Variants in TFEC observed in about 807,000 individuals in gnomAD.
TFEC encodes the protein class E basic helix-loop-helix protein 34.
TFEC carries 31 observed loss-of-function variants against 41.6 expected under a neutral mutation model. The observed-to-expected ratio is 0.74, with a 90% CI of 0.56 to 1.01. TFEC has a LOEUF of 1.01. Ranked by LOEUF, TFEC falls within the 50% of genes least tolerant of loss-of-function variation. The pLI is 0.00. For synonymous variants in TFEC, 143 were observed against 140.6 expected, an observed-to-expected ratio of 1.02 and a Z score of -0.12; for missense variants, 402 against 404.1, an observed-to-expected ratio of 0.99 and a Z score of 0.04.
At chr7:116,020,516 A>C (rs1011433402) in intron 1 of TFEC, among the ~76,000 whole-genome samples, 2 of 152,198 alleles carry the variant, frequency 1.3e-5, no homozygotes, top group Non-Finnish European at 2.9e-5. Flanking sequence ...GATTCGATTT[A>C]GTTCTCTCTT....
intron 1 of TFEC, among the ~76,000 whole-genome samples, chr7:116,137,466 T>C (rs969205253): frequency 9.2e-5 from 14 of 152,168 alleles, no homozygotes; most frequent in African/African-American, 2.9e-4. Context: ...GATGTGAGTA[T>C]AGGCCTTGAC....
At chr7:116,037,201 T>G (rs1289380927) in intron 3 of TFEC, among the ~76,000 whole-genome samples, 1 of 152,060 alleles carries the variant, frequency 6.6e-6, no homozygotes, top group Non-Finnish European at 1.5e-5. Context: ...ATTGATTTTG[T>G]GCACGGGATG....
intron 1 of TFEC, among the ~76,000 whole-genome samples, chr7:115,987,893 T>C (rs753426782): frequency 6.6e-6 from 1 of 152,102 alleles, no homozygotes; most frequent in South Asian, 2.1e-4. Flanking sequence ...TATCAAAGTA[T>C]TTGCTAGGAG....
chr7:116,049,824 C>T lies in TFEC; in HGVS notation c.198+60884G>A, dbSNP rs575739417. Among the ~76,000 whole-genome samples, 4 of 152,276 alleles carry T rather than the reference C, an allele frequency of 2.6e-5. No individual in the cohort carries two copies. In the East Asian group the frequency reaches 5.8e-4, roughly 22 times the overall value. ...CAAACTAGAACTCAGGATTAAGAAA[C>T]TCACTCAAAACCACACAACTACATG... On this transcript the variant is annotated intron_variant, in intron 3 of 8. Transcript: ENST00000484212.
At chr7:116,087,384 A>G (rs536664091) in intron 3 of TFEC, among the ~76,000 whole-genome samples, 1 of 152,148 alleles carries the variant, frequency 6.6e-6, no homozygotes, top group East Asian at 1.9e-4. Context: ...TTATTAAAAT[A>G]GAATGTCTAG....
intron 3 of TFEC, among the ~76,000 whole-genome samples, chr7:116,050,903 A>T (rs1328375456): frequency 3.9e-5 from 6 of 152,278 alleles, no homozygotes; most frequent in South Asian, 2.1e-4. Flanking sequence ...AACCCAAATG[A>T]CCACCAATGA....
In TFEC at chr7:116,038,599, C is replaced by T. The variant is rs193158420; in HGVS notation, c.199-54086G>A. On this transcript the variant is annotated intron_variant, in intron 3 of 8. Transcript: ENST00000484212. ...GAGGCTACCATCTCATGTTAGCATG[C>T]TATATTCAAACTAGAGAGCATAAAA... Among the ~76,000 whole-genome samples the T allele has an allele frequency of 2.8e-4, 43 of 152,072 alleles. 1 individual carries two copies. In the South Asian group the frequency reaches 7.7e-3, roughly 27 times the overall value.
chr7:116,044,235 A>G (rs1411795086), intron 3 of TFEC, among the ~76,000 whole-genome samples: 1 of 152,166 alleles, frequency 6.6e-6, no homozygotes, highest in Non-Finnish European at 1.5e-5. Context: ...TCTCCTATGC[A>G]TATCCTTCGT....
chr7:116,095,669 T>C (rs911587560), intron 3 of TFEC, among the ~76,000 whole-genome samples: 1 of 152,204 alleles, frequency 6.6e-6, no homozygotes, highest in Non-Finnish European at 1.5e-5. Flanking sequence ...TTCCCAAATC[T>C]TTTTGAAACT....
intron 3 of TFEC, among the ~76,000 whole-genome samples, chr7:116,043,279 A>G (rs1204941181): frequency 6.6e-6 from 1 of 152,150 alleles, no homozygotes; most frequent in African/African-American, 2.4e-5. Context: ...TTTTCTGAGT[A>G]AGAGAACATT....
At chr7:116,151,941 C>T (rs546222936) in intron 1 of TFEC, among the ~76,000 whole-genome samples, 1 of 152,096 alleles carries the variant, frequency 6.6e-6, no homozygotes, top group African/African-American at 2.4e-5. Context: ...CTTCCCAATA[C>T]AGGAAGTAGA....
intron 3 of TFEC, among the ~76,000 whole-genome samples, chr7:116,053,633 G>C (rs1391916988): frequency 6.6e-6 from 1 of 152,166 alleles, no homozygotes; most frequent in East Asian, 1.9e-4. Context: ...GTTATCATGG[G>C]AACAGGCAGC....
intron 1 of TFEC, among the ~76,000 whole-genome samples, chr7:116,153,717 T>A (rs1029620738): frequency 6.6e-6 from 1 of 151,766 alleles, no homozygotes; most frequent in Non-Finnish European, 1.5e-5. Context: ...ATAAAATGTA[T>A]AATGAAGTAA....
At chr7:116,117,478 TTACCA>T (rs1798016182) in intron 1 of TFEC, 1 of 151,790 alleles carries the variant, frequency 6.6e-6, no homozygotes, top group Admixed American at 6.6e-5. Flanking sequence ...TAATGAGCTC[TTACCA>T]TGTGATGGTA....
At chr7:116,005,692 G>A (rs1562928480) in intron 1 of TFEC, among the ~76,000 whole-genome samples, 1 of 152,192 alleles carries the variant, frequency 6.6e-6, no homozygotes, top group Non-Finnish European at 1.5e-5. Flanking sequence ...ATTCAAGTGG[G>A]CTGTAGAAAT....
At chr7:115,956,656 TA>T (rs776730534) in intron 4 of TFEC, 22 bp downstream of exon 4, 7 of 1,547,806 alleles carry the variant, frequency 4.5e-6, no homozygotes, top group Non-Finnish European at 6.2e-6. Flanking sequence ...ATAAAAAGGG[TA>T]AAACTATAAA....
chr7:116,092,437 C>T (rs977029905), intron 3 of TFEC, among the ~76,000 whole-genome samples: 2 of 151,996 alleles, frequency 1.3e-5, no homozygotes, highest in Admixed American at 6.6e-5. Context: ...TTCGTGTATT[C>T]CATTAATTCT....
chr7:116,124,798 A>G (rs1343511658), intron 1 of TFEC, among the ~76,000 whole-genome samples: 1 of 152,156 alleles, frequency 6.6e-6, no homozygotes, highest in African/African-American at 2.4e-5. Context: ...TAGAAGGACA[A>G]TTACTTCTAT....
chr7:115,949,306 A>C (rs1791796033), intron 6 of TFEC, among the ~76,000 whole-genome samples: 1 of 152,104 alleles, frequency 6.6e-6, no homozygotes, highest in African/African-American at 2.4e-5. Flanking sequence ...TGCCATCCCC[A>C]TCAAGCTACC....
Sources: gnomAD v4.1 joint callset for allele counts (sites outside exome capture counted in the v4.1 genomes callset) on GRCh38, gnomAD v4.1.1 for gene constraint, MANE v1.5 for transcripts, NCBI Gene and HGNC (gene_info 2026-07-23, HGNC 2026-07-21) for gene names.